Variants in TMEM232 observed in about 807,000 individuals in gnomAD.
TMEM232 encodes the protein transmembrane protein 232.
A neutral mutation model predicts 78.8 loss-of-function variants in TMEM232; 80 were observed. The observed-to-expected ratio is 1.01, with a 90% CI of 0.85 to 1.22. TMEM232 has a LOEUF of 1.22. Among genes scored for constraint, TMEM232 ranks in the 50% most tolerant of loss-of-function variants. The probability of loss-of-function intolerance (pLI) is 0.00; values close to 1 mark genes in which losing one functional copy is unlikely to be tolerated. For missense variants in TMEM232, 881 were observed against 742.2 expected (o/e 1.19, Z -2.17); for synonymous variants, 297 against 254.3 (o/e 1.17, Z -1.60).
At chr5:110,692,733 G>A (rs1794284037) in intron 1 of TMEM232, among the ~76,000 whole-genome samples, 1 of 152,194 alleles carries the variant, frequency 6.6e-6, no homozygotes, top group South Asian at 2.1e-4. Context: ...CAAACTGCAA[G>A]GCAGCAGCAA....
intron 5 of TMEM232, among the ~76,000 whole-genome samples, chr5:110,635,395 A>C (rs1007466265): frequency 4.6e-5 from 7 of 152,042 alleles, no homozygotes; most frequent in African/African-American, 1.4e-4. Context: ...AGAAAACTAC[A>C]GGCTAATATC....
intron 11 of TMEM232, among the ~76,000 whole-genome samples, chr5:110,537,032 T>A (rs1772451084): frequency 6.6e-6 from 1 of 152,142 alleles, no homozygotes; most frequent in Non-Finnish European, 1.5e-5. Context: ...AAAAGGTGAA[T>A]GCCCCTGGGG....
intron 1 of TMEM232, among the ~76,000 whole-genome samples, chr5:110,698,651 G>A (rs149688453): frequency 3.3e-5 from 5 of 151,930 alleles, no homozygotes; most frequent in Admixed American, 1.3e-4. Context: ...GAATCCAGTC[G>A]TCCCTCTCTT....
intron 11 of TMEM232, among the ~76,000 whole-genome samples, chr5:110,564,338 A>C (rs1336216139): frequency 6.6e-6 from 1 of 152,010 alleles, no homozygotes; most frequent in African/African-American, 2.4e-5. Context: ...ATATGGATAA[A>C]GCATCAATGG....
chr5:110,553,623 G>A (rs570166972), intron 11 of TMEM232, among the ~76,000 whole-genome samples: 34 of 152,190 alleles, frequency 2.2e-4, no homozygotes, highest in Admixed American at 1.4e-3. Flanking sequence ...AAAGTCCTTG[G>A]AAATAGACTA....
At chr5:110,548,200 T>C (rs1450863687) in intron 11 of TMEM232, among the ~76,000 whole-genome samples, 4 of 151,198 alleles carry the variant, frequency 2.6e-5, no homozygotes, top group African/African-American at 9.7e-5. Context: ...GCTTGAAGAA[T>C]ACTGATTACA....
chr5:110,542,119 C>T (rs745566995), intron 11 of TMEM232, among the ~76,000 whole-genome samples: 7 of 152,166 alleles, frequency 4.6e-5, no homozygotes, highest in Non-Finnish European at 8.8e-5. Context: ...AGCCACTACA[C>T]CTGTGAACTT....
At chr5:110,527,991 T>C (rs1770845494) in intron 12 of TMEM232, among the ~76,000 whole-genome samples, 1 of 151,986 alleles carries the variant, frequency 6.6e-6, no homozygotes, top group South Asian at 2.1e-4. Context: ...AAAGTGACTT[T>C]TAACATCTTA....
intron 10 of TMEM232, among the ~76,000 whole-genome samples, chr5:110,598,382 A>T (rs1780454118): frequency 6.6e-6 from 1 of 152,106 alleles, no homozygotes; most frequent in African/African-American, 2.4e-5. Flanking sequence ...AGAGGCTGTG[A>T]AGAAATAGGA....
chr5:110,645,867 C>T (rs1279071591), intron 2 of TMEM232, among the ~76,000 whole-genome samples: 2 of 151,316 alleles, frequency 1.3e-5, no homozygotes, highest in Non-Finnish European at 3.0e-5. Context: ...AATAAAGTTA[C>T]AGGATAAAAA....
chr5:110,397,219 C>T (rs1394521038), intron 3 of TMEM232, among the ~76,000 whole-genome samples: 5 of 152,124 alleles, frequency 3.3e-5, no homozygotes, highest in African/African-American at 1.2e-4. Flanking sequence ...CTTGATTAAA[C>T]TCTTAGTTCC....
chr5:110,571,986 T>C (rs974083470), intron 10 of TMEM232, among the ~76,000 whole-genome samples: 1 of 151,978 alleles, frequency 6.6e-6, no homozygotes, highest in African/African-American at 2.4e-5. Flanking sequence ...AGGTCTTTAC[T>C]GCAATGGGCA....
chr5:110,709,980 A>AG (rs1796307550), intron 1 of TMEM232, among the ~76,000 whole-genome samples: 1 of 152,066 alleles, frequency 6.6e-6, no homozygotes, highest in South Asian at 2.1e-4. Context: ...TTACCATGAA[A>AG]GCCAGTTTTT....
At chr5:110,424,505 G>T (rs924141664) in intron 13 of TMEM232, among the ~76,000 whole-genome samples, 1 of 152,092 alleles carries the variant, frequency 6.6e-6, no homozygotes, top group East Asian at 1.9e-4. Flanking sequence ...TTTTTGTTCT[G>T]TTATTAGAAC....
rs1374830100 is a variant in TMEM232 at position 110,720,912 on chromosome 5, C to A, written c.-13+5715G>T. 2.0e-5 allele frequency: 3 copies of A among 151,998 alleles called. No individual in the cohort carries two copies. The East Asian group carries it at 5.8e-4, about 29-fold the overall frequency. The allele number at this position is 151,998 out of a possible 1,614,324, so 9.4% of individuals were successfully genotyped here. A position where few individuals can be genotyped will look rare whatever the true frequency, so the allele number is the denominator to read the frequency against. On this transcript the variant is annotated intron_variant, in intron 1 of 13. Transcript: ENST00000455884. ...ATATAAGAGAAAATTAAATTTTAAA[C>A]TGGAAAAAATAGGTAAGAACAAAAT...
chr5:110,512,592 G>A (rs944612480), intron 12 of TMEM232, among the ~76,000 whole-genome samples: 7 of 152,140 alleles, frequency 4.6e-5, no homozygotes, highest in Non-Finnish European at 1.0e-4. Flanking sequence ...CAATTTCCCT[G>A]ACAGGCGGAC....
intron 12 of TMEM232, among the ~76,000 whole-genome samples, chr5:110,490,947 C>T (rs1765021900): frequency 6.6e-6 from 1 of 152,046 alleles, no homozygotes; most frequent in Non-Finnish European, 1.5e-5. Flanking sequence ...AGATACATCA[C>T]CAAAAGCAAA....
intron 8 of TMEM232, among the ~76,000 whole-genome samples, chr5:110,612,307 T>A (rs1374242173): frequency 6.6e-6 from 1 of 152,126 alleles, no homozygotes; most frequent in African/African-American, 2.4e-5. Context: ...TAGCAGCATA[T>A]ATAGTGGGTA....
In TMEM232 at chr5:110,625,123, G is replaced by A. The variant is rs558203519; in HGVS notation, c.768+144C>T. 7 of 817,132 alleles carry A rather than the reference G, an allele frequency of 8.6e-6. No homozygotes were observed. In the East Asian group the frequency reaches 1.3e-4, roughly 15 times the overall value. 50.6% of individuals were successfully genotyped at this position (817,132 alleles called of 1,614,324 possible). A position where few individuals can be genotyped will look rare whatever the true frequency, so the allele number is the denominator to read the frequency against. On this transcript the variant is annotated intron_variant, in intron 7 of 13. Transcript: ENST00000455884. Reference sequence around the variant, plus strand: ...CTGTGCATATGGTTGCATGAAATTCGTATCTTTGCTGTTCACCCCTCCTCC... The same window carrying A: ...CTGTGCATATGGTTGCATGAAATTCATATCTTTGCTGTTCACCCCTCCTCC...
Sources: allele counts gnomAD v4.1 joint callset (sites outside exome capture counted in the v4.1 genomes callset), GRCh38; gene constraint gnomAD v4.1.1; transcripts MANE v1.5; gene names NCBI Gene and HGNC (gene_info 2026-07-23, HGNC 2026-07-21).